Variants in TMOD4 observed in about 807,000 individuals in gnomAD.
TMOD4 encodes tropomodulin 4.
In TMOD4, 34 loss-of-function variants were observed where a neutral mutation model predicts 45.4. The observed-to-expected ratio is 0.75, with a 90% CI of 0.57 to 1.00. The LOEUF (loss-of-function observed/expected upper bound fraction) is 1.00, where lower values mean the gene tolerates loss of function less well. Ranked by LOEUF, TMOD4 falls within the 50% of genes least tolerant of loss-of-function variation. TMOD4 has a pLI of 0.00. For missense variants in TMOD4, 399 were observed against 437.5 expected (o/e 0.91, Z 0.78); for synonymous variants, 131 against 153.9 (o/e 0.85, Z 1.10).
At position 151,171,522 on chromosome 1, in the gene TMOD4, G is replaced by A. The variant is rs777145671; in HGVS notation, c.637C>T (p.Leu213=). 6.2e-7 allele frequency: 1 copy of A among 1,614,158 alleles called. No homozygotes were observed. Among genetic ancestry groups the A allele is most frequent in the African/African-American group, 1.3e-5 (1 of 75,044 alleles). Residue 213 remains leucine (L), a synonymous_variant, in exon 7 of 10, where the codon CTA becomes TTA. Coordinates refer to ENST00000295314, the MANE Select transcript of TMOD4 (RefSeq NM_013353.3). ...TTCATTGCCTCACACAGCTCACTTA[G>A]CATGGGTATTGGGATGTCCTATCGG... ...NNIQDIPIPM[L]SELCEAMKAN... is the part of the protein sequence containing the mutation.
intron 9 of TMOD4, 178 bp downstream of exon 9, chr1:151,170,341 A>G (rs1356572399): frequency 1.0e-6 from 1 of 975,164 alleles, no homozygotes; most frequent in Admixed American, 2.3e-5. Flanking sequence ...ACTGGTCCAT[A>G]TTTGGGGCAG....
At chr1:151,175,068 T>C in intron 1 of TMOD4, 151 bp from the exon 2 acceptor site, 1 of 629,822 alleles carries the variant, frequency 1.6e-6, no homozygotes, top group Non-Finnish European at 2.7e-6. Flanking sequence ...GAAGATTAGG[T>C]TGTTTAGAGT....
In TMOD4 at chr1:151,170,938, C is replaced by T. The variant is rs1683933546; in HGVS notation, c.852G>A (p.Glu284=). 6.2e-7 allele frequency: 1 copy of T among 1,614,134 alleles called. No homozygotes were observed. Among genetic ancestry groups the T allele is most frequent in the Admixed American group, 1.7e-5 (1 of 60,016 alleles). The change falls in exon 8 of 10, where the codon GAG becomes GAA. Residue 284 remains glutamate, a synonymous_variant. Transcript: ENST00000295314. ...TGCTGACCTGATTGTCTACACGGAG[C>T]TCAGTGAGTGTGGCATTTTCCCGAA... is the stretch of plus-strand genomic sequence containing the variant. The part of the protein sequence containing the change: ...KAVRENATLT[E]LRVDNQRQWP...
chr1:151,170,084 T>C lies in TMOD4; in HGVS notation c.1035A>G (p.Arg345=), dbSNP rs374246114. 1.9e-5 allele frequency: 30 copies of C among 1,614,080 alleles called. No homozygotes were observed. Among genetic ancestry groups the C allele is most frequent in the Middle Eastern group, 1.6e-4 (1 of 6,084 alleles). The change falls in exon 10 of 10, where the codon AGA becomes AGG. Residue 345 remains arginine, a synonymous_variant. Coordinates refer to ENST00000295314, the MANE Select transcript of TMOD4 (RefSeq NM_013353.3). Reference sequence around the variant, plus strand: ...GTTGGTAAAGGGAAATGCAGTGTTATCTCTTCTTTTGCTGGCGACCTGTAA... The same window carrying C: ...GTTGGTAAAGGGAAATGCAGTGTTACCTCTTCTTTTGCTGGCGACCTGTAA... The part of the protein sequence containing the change: ...NNELRRQQKK[R]
intron 4 of TMOD4, among the ~76,000 whole-genome samples, chr1:151,173,252 G>A (rs1247300041): frequency 6.6e-6 from 1 of 152,132 alleles, no homozygotes; most frequent in African/African-American, 2.4e-5. Flanking sequence ...ACAGGTGTGA[G>A]TCATGGTGCC....
At chr1:151,172,799 A>AT (rs1195652582) in intron 4 of TMOD4, among the ~76,000 whole-genome samples, 1 of 151,442 alleles carries the variant, frequency 6.6e-6, no homozygotes, top group African/African-American at 2.4e-5. Context: ...TGCCTGGCTA[A>AT]TTTTTTTTGT....
chr1:151,173,987 G>A lies in TMOD4; in HGVS notation c.281-372C>T, dbSNP rs587694634. Among the ~76,000 whole-genome samples, 10 of 152,184 alleles carry A rather than the reference G, an allele frequency of 6.6e-5. No homozygotes were observed. The South Asian group carries it at 1.5e-3, about 22-fold the overall frequency. The stretch of plus-strand genomic sequence containing the variant: ...TCCCAGCACTTTGGGAGGCTAAGGC[G>A]GGCAGATCACGAGGTCAGGAGATCG... On this transcript the variant is annotated intron_variant, in intron 3 of 9. Transcript: ENST00000295314.
intron 4 of TMOD4, among the ~76,000 whole-genome samples, chr1:151,172,973 C>T (rs1684004454): frequency 1.3e-5 from 2 of 152,152 alleles, no homozygotes; most frequent in South Asian, 2.1e-4. Flanking sequence ...AGGCGCCCAC[C>T]ACCACACCCA....
intron 7 of TMOD4, 139 bp downstream of exon 7, chr1:151,171,294 T>C: frequency 1.2e-6 from 1 of 843,252 alleles, no homozygotes; most frequent in Non-Finnish European, 1.9e-6. Flanking sequence ...GCCATAGCAC[T>C]GAAGGTAGGA....
chr1:151,174,324 T>C lies in TMOD4; in HGVS notation c.280+67A>G, dbSNP rs1572086322. ...CTGGAAGGTGAGAGGGAAACTGGAG[T>C]GGGGACGAGTGAGAGACAGCACAGC... is the stretch of plus-strand genomic sequence containing the variant. On this transcript the variant is annotated intron_variant, in intron 3 of 9. Transcript: ENST00000295314. 5 of 1,546,248 alleles carry C rather than the reference T, an allele frequency of 3.2e-6. No individual in the cohort carries two copies. In the East Asian group the frequency reaches 6.8e-5, roughly 21 times the overall value.
intron 9 of TMOD4, 42 bp downstream of exon 9, chr1:151,170,477 A>G: frequency 6.2e-7 from 1 of 1,608,674 alleles, no homozygotes; most frequent in Non-Finnish European, 8.5e-7. Context: ...CAATTTCTGC[A>G]CTTCCCTGAC....
intron 5 of TMOD4, 89 bp from the exon 6 acceptor site, chr1:151,171,852 T>C: frequency 1.4e-6 from 2 of 1,426,710 alleles, no homozygotes; most frequent in Non-Finnish European, 1.9e-6. Flanking sequence ...TTTTTTTTTT[T>C]TGAGATGGAG....
rs766675922 is a variant in TMOD4 at position 151,171,546 on chromosome 1, G to A, written c.619-6C>T. The A allele has an allele frequency of 1.2e-5, 19 of 1,613,748 alleles. No individual in the cohort carries two copies. Among genetic ancestry groups the A allele is most frequent in the East Asian group, 2.2e-5 (1 of 44,886 alleles). The stretch of plus-strand genomic sequence containing the variant: ...AGCATGGGTATTGGGATGTCCTATC[G>A]GAGGGGAATAGGAGATGGTGGGCTA... On this transcript the variant is annotated splice_region_variant and splice_polypyrimidine_tract_variant and intron_variant, in intron 6 of 9. Transcript: ENST00000295314.
chr1:151,172,178 AATC>A, intron 5 of TMOD4, 87 bp downstream of exon 5: 2 of 1,079,050 alleles, frequency 1.9e-6, no homozygotes, highest in South Asian at 1.3e-5. Context: ...CCTCTCCCAG[AATC>A]ATCAATTTCA....
chr1:151,170,167 T>A, intron 9 of TMOD4, 64 bp from the exon 10 acceptor site: 1 of 1,595,580 alleles, frequency 6.3e-7, no homozygotes, highest in Non-Finnish European at 8.6e-7. Context: ...AAAGGCACTC[T>A]TCTCCTTTCC....
intron 8 of TMOD4, 43 bp from the exon 9 acceptor site, chr1:151,170,706 G>A: frequency 6.2e-7 from 1 of 1,609,524 alleles, no homozygotes; most frequent in Non-Finnish European, 8.5e-7. Context: ...CCCTCTCTGG[G>A]CTGTTTACCA....
Position 151,174,426 on chromosome 1 carries a change from C to A in TMOD4, c.245G>T (p.Arg82Leu). ...GCCTGTGAAGGGCACCAAGTCATCA[C>A]GCTCTTTGACTTCTAGTGCCTGTTG... ...LEQQALEVKE[R>L]DDLVPFTGEK... Residue 82 changes from arginine (R) to leucine (L), a missense_variant, in exon 3 of 10, where the codon CGT (arginine) becomes CTT (leucine). Coordinates refer to ENST00000295314, the MANE Select transcript of TMOD4 (RefSeq NM_013353.3). The A allele has an allele frequency of 6.2e-7, 1 of 1,614,126 alleles. No individual in the cohort carries two copies. The highest frequency in any genetic ancestry group is 8.5e-7 in the Non-Finnish European group (1 of 1,180,014).
rs748036938 is a variant in TMOD4 at position 151,171,457 on chromosome 1, C to T, written c.702G>A (p.Thr234=). ...TYVRSFSLVA[T]RSGDPIANAV... ...CATTGGCAATGGGGTCACCACTCCT[C>T]GTGGCTACCAGACTGAAGCTCCGCA... is the stretch of plus-strand genomic sequence containing the variant. Residue 234 remains threonine (T), a synonymous_variant, in exon 7 of 10, where the codon ACG becomes ACA. Coordinates refer to ENST00000295314, the MANE Select transcript of TMOD4 (RefSeq NM_013353.3). 8.7e-6 allele frequency: 14 copies of T among 1,614,142 alleles called. No homozygotes were observed. Among genetic ancestry groups the T allele is most frequent in the South Asian group, 2.2e-5 (2 of 91,082 alleles).
At chr1:151,174,225 GA>G (rs931283551) in intron 3 of TMOD4, among the ~76,000 whole-genome samples, 165 bp downstream of exon 3, 3 of 146,398 alleles carry the variant, frequency 2.0e-5, no homozygotes, top group Admixed American at 6.8e-5. Flanking sequence ...CAAACAAAAA[GA>G]AAAAAAAAAG....
Sources: gnomAD v4.1 joint callset for allele counts (sites outside exome capture counted in the v4.1 genomes callset) on GRCh38, gnomAD v4.1.1 for gene constraint, MANE v1.5 for transcripts, NCBI Gene and HGNC (gene_info 2026-07-23, HGNC 2026-07-21) for gene names.